The following TSNARE1 variants were observed in gnomAD, a reference collection of about 807,000 sequenced individuals.
TSNARE1 encodes t-SNARE domain containing 1.
Under a neutral mutation model 62.0 loss-of-function variants are expected in TSNARE1, and 49 were observed. That is an observed-to-expected ratio of 0.79 (90% CI 0.63 to 1.00). The LOEUF (loss-of-function observed/expected upper bound fraction) is 1.00. Ranked by LOEUF, TSNARE1 falls within the 50% of genes least tolerant of loss-of-function variation. TSNARE1 has a pLI of 0.00. For missense variants in TSNARE1, 755 were observed against 700.1 expected, an observed-to-expected ratio of 1.08 and a Z score of -0.88; for synonymous variants, 328 against 294.4, an observed-to-expected ratio of 1.11 and a Z score of -1.17.
At chr8:142,344,939 C>G (rs927829940) in intron 3 of TSNARE1, among the ~76,000 whole-genome samples, 2 of 152,216 alleles carry the variant, frequency 1.3e-5, no homozygotes, top group South Asian at 2.1e-4. Context: ...CCTCTGAGCA[C>G]AGGCCTCGGC....
intron 7 of TSNARE1, among the ~76,000 whole-genome samples, chr8:142,317,259 G>A (rs13252003): frequency 0.16 from 20,078 of 122,906 alleles, 3,983 homozygotes; most frequent in East Asian, 0.28. Flanking sequence ...CGCGTGAAGC[G>A]GGTATGGCCA....
intron 10 of TSNARE1, among the ~76,000 whole-genome samples, chr8:142,287,006 C>A (rs1822873911): frequency 6.6e-6 from 1 of 152,230 alleles, no homozygotes; most frequent in Non-Finnish European, 1.5e-5. Flanking sequence ...TTAGTGACTG[C>A]CCAATGACAC....
chr8:142,328,955 C>T (rs1229499770), intron 6 of TSNARE1, among the ~76,000 whole-genome samples: 2 of 152,284 alleles, frequency 1.3e-5, no homozygotes, highest in East Asian at 3.9e-4. Flanking sequence ...ACCACCCTTC[C>T]TCCTGAGACT....
At chr8:142,214,872 G>A (rs1331499650) in intron 13 of TSNARE1, among the ~76,000 whole-genome samples, 1 of 152,158 alleles carries the variant, frequency 6.6e-6, no homozygotes, top group South Asian at 2.1e-4. Flanking sequence ...CCCTGATCTG[G>A]GACTTCCAGC....
chr8:142,270,164 G>A (rs1819392939), intron 12 of TSNARE1: 1 of 985,288 alleles, frequency 1.0e-6, no homozygotes, highest in Non-Finnish European at 1.2e-6. Flanking sequence ...GCCTAGGCTG[G>A]GGGGCTGCAG....
At chr8:142,328,439 G>C (rs1018910932) in intron 6 of TSNARE1, among the ~76,000 whole-genome samples, 2 of 152,196 alleles carry the variant, frequency 1.3e-5, no homozygotes, top group Non-Finnish European at 2.9e-5. Context: ...GTTCAGGAAA[G>C]TTTTAAGTTG....
chr8:142,224,211 G>A (rs2129997079), intron 13 of TSNARE1, among the ~76,000 whole-genome samples: 1 of 152,352 alleles, frequency 6.6e-6, no homozygotes, highest in East Asian at 1.9e-4. Context: ...GGTGGCTGGT[G>A]GGAAAAGGGG....
chr8:142,311,717 C>T (rs985096174), intron 9 of TSNARE1, among the ~76,000 whole-genome samples: 1 of 152,090 alleles, frequency 6.6e-6, no homozygotes, highest in Non-Finnish European at 1.5e-5. Flanking sequence ...TATTTCTATC[C>T]ATTTTCTCTC....
chr8:142,261,052 AAGAGG>A (rs1818853013), intron 12 of TSNARE1, among the ~76,000 whole-genome samples: 2 of 106,508 alleles, frequency 1.9e-5, no homozygotes, highest in Admixed American at 9.0e-5. Context: ...GGAGGAAGGA[AAGAGG>A]GAAGCAGGAG....
intron 4 of TSNARE1, among the ~76,000 whole-genome samples, chr8:142,332,088 T>C (rs1273388885): frequency 6.6e-6 from 1 of 152,208 alleles, no homozygotes; most frequent in Non-Finnish European, 1.5e-5. Context: ...GGCAGCACCC[T>C]GAGTTTCCAT....
At chr8:142,398,067 A>C (rs1177187657) in intron 1 of TSNARE1, among the ~76,000 whole-genome samples, 1 of 152,118 alleles carries the variant, frequency 6.6e-6, no homozygotes, top group Non-Finnish European at 1.5e-5. Flanking sequence ...CTAGGAGTCC[A>C]GCACTGCTGT....
At chr8:142,388,653 G>A (rs1309458487) in intron 1 of TSNARE1, among the ~76,000 whole-genome samples, 1 of 148,782 alleles carries the variant, frequency 6.7e-6, no homozygotes, top group East Asian at 2.0e-4. Context: ...CACCTCGCAG[G>A]TTCAAATCAT....
At chr8:142,232,565 T>A (rs1410083928) in intron 12 of TSNARE1, among the ~76,000 whole-genome samples, 1 of 152,178 alleles carries the variant, frequency 6.6e-6, no homozygotes. Flanking sequence ...GCAAAGGATG[T>A]GCCCCAGAGG....
chr8:142,299,392 C>T (rs567944387), intron 10 of TSNARE1, among the ~76,000 whole-genome samples: 4 of 152,360 alleles, frequency 2.6e-5, no homozygotes, highest in Admixed American at 1.3e-4. Context: ...TCTTAGCAGA[C>T]ATTTGCTCTG....
intron 13 of TSNARE1, among the ~76,000 whole-genome samples, chr8:142,225,171 C>T (rs1394501970): frequency 6.6e-6 from 1 of 151,880 alleles, no homozygotes; most frequent in East Asian, 1.9e-4. Context: ...CCAGACCCTC[C>T]TCACCCATGC....
At chr8:142,313,018 G>A (rs1250664482) in intron 9 of TSNARE1, among the ~76,000 whole-genome samples, 1 of 152,214 alleles carries the variant, frequency 6.6e-6, no homozygotes, top group Non-Finnish European at 1.5e-5. Context: ...GTGTGTCTCT[G>A]GGTGTCTATC....
At chr8:142,382,196 G>A (rs1564006349) in intron 1 of TSNARE1, among the ~76,000 whole-genome samples, 2 of 152,154 alleles carry the variant, frequency 1.3e-5, no homozygotes, top group African/African-American at 4.8e-5. Context: ...GGGCCCAGCT[G>A]GGGAGCTGCA....
intron 6 of TSNARE1, among the ~76,000 whole-genome samples, chr8:142,328,461 G>A (rs1177710296): frequency 6.6e-6 from 1 of 152,162 alleles, no homozygotes; most frequent in Non-Finnish European, 1.5e-5. Context: ...TAGCCAATCA[G>A]GTCTAAAGGA....
chr8:142,282,847 C>T (rs1821845474), intron 11 of TSNARE1, among the ~76,000 whole-genome samples: 1 of 136,250 alleles, frequency 7.3e-6, no homozygotes, highest in Non-Finnish European at 1.6e-5. Context: ...GAGGTGGGGC[C>T]AGTGTCTATC....
Sources: gnomAD v4.1 joint callset for allele counts (sites outside exome capture counted in the v4.1 genomes callset) on GRCh38, gnomAD v4.1.1 for gene constraint, MANE v1.5 for transcripts, NCBI Gene and HGNC (gene_info 2026-07-23, HGNC 2026-07-21) for gene names.